The following INTS9 variants were observed in gnomAD, a reference collection of about 807,000 sequenced individuals.
INTS9 encodes the protein integrator complex subunit 9, also known as protein related to CPSF subunits of 74 kDa.
In INTS9, 55 loss-of-function variants were observed where a neutral mutation model predicts 79.7. That is an observed-to-expected ratio of 0.69 (90% CI 0.56 to 0.86). The LOEUF is 0.86. Ranked by LOEUF, INTS9 falls within the 40% of genes least tolerant of loss-of-function variation. The probability of loss-of-function intolerance (pLI) is 0.00; values close to 1 mark genes in which losing one functional copy is unlikely to be tolerated. For synonymous variants in INTS9, 319 were observed against 325.2 expected (o/e 0.98, Z 0.20); for missense variants, 721 against 831.5 (o/e 0.87, Z 1.64).
At chr8:28,804,039 T>C (rs1804667513) in intron 8 of INTS9, among the ~76,000 whole-genome samples, 1 of 152,104 alleles carries the variant, frequency 6.6e-6, no homozygotes. Flanking sequence ...TCCTCCCACC[T>C]CAGCATCCTG....
At chr8:28,842,803 T>C (rs903125531) in intron 4 of INTS9, among the ~76,000 whole-genome samples, 3 of 152,228 alleles carry the variant, frequency 2.0e-5, no homozygotes, top group African/African-American at 7.2e-5. Flanking sequence ...TCATGGCTCT[T>C]TCTGTAACAA....
chr8:28,828,484 C>A (rs1210404364), intron 6 of INTS9, among the ~76,000 whole-genome samples: 1 of 152,138 alleles, frequency 6.6e-6, no homozygotes, highest in African/African-American at 2.4e-5. Flanking sequence ...TTGTTAATAT[C>A]ACTTCTATTT....
At chr8:28,874,067 G>A (rs977535570) in intron 1 of INTS9, among the ~76,000 whole-genome samples, 1 of 152,120 alleles carries the variant, frequency 6.6e-6, no homozygotes, top group African/African-American at 2.4e-5. Flanking sequence ...TTCTGACTTG[G>A]AATTTGCTTT....
intron 10 of INTS9, among the ~76,000 whole-genome samples, chr8:28,792,179 T>C (rs1803953547): frequency 6.6e-6 from 1 of 152,162 alleles, no homozygotes; most frequent in Non-Finnish European, 1.5e-5. Context: ...GCATATGGCA[T>C]TAATACAAAT....
intron 8 of INTS9, among the ~76,000 whole-genome samples, chr8:28,802,916 C>T (rs1215774718): frequency 6.6e-6 from 1 of 150,894 alleles, no homozygotes; most frequent in Non-Finnish European, 1.5e-5. Flanking sequence ...TCAAGACCAC[C>T]CTGGGCAACA....
chr8:28,880,584 GC>G (rs1316723595), intron 1 of INTS9, among the ~76,000 whole-genome samples: 3 of 151,464 alleles, frequency 2.0e-5, no homozygotes, highest in African/African-American at 7.3e-5. Flanking sequence ...AGGCTGGAGT[GC>G]AGCGGCGTGA....
intron 14 of INTS9, among the ~76,000 whole-genome samples, chr8:28,772,337 A>C (rs1802596776): frequency 6.6e-6 from 1 of 152,076 alleles, no homozygotes; most frequent in African/African-American, 2.4e-5. Flanking sequence ...AATATGGTGA[A>C]ACCCCATCTC....
chr8:28,790,266 AT>A (rs1803848745), intron 10 of INTS9, among the ~76,000 whole-genome samples: 1 of 152,210 alleles, frequency 6.6e-6, no homozygotes, highest in South Asian at 2.1e-4. Context: ...TGGTCCTGGC[AT>A]GGGGGGCTGG....
In INTS9 at chr8:28,777,813, C is replaced by A; in HGVS notation, c.1395+16G>T. The A allele has an allele frequency of 6.3e-7, 1 of 1,592,852 alleles. No individual in the cohort carries two copies. The highest frequency in any genetic ancestry group is 8.5e-7 in the Non-Finnish European group (1 of 1,170,442). On this transcript the variant is annotated intron_variant, in intron 13 of 16. Transcript: ENST00000521022. ...TGACATGACTACGTGAAGGCACAAG[C>A]AGTGTCCTTCATTACCTGCACTTCT...
rs1808105305 is a variant in INTS9, at chr8:28,855,575, G to C, written c.137+3861C>G. 2.6e-5 allele frequency among the ~76,000 whole-genome samples: 4 copies of C among 152,260 alleles called. No homozygotes were observed. The South Asian group carries it at 8.3e-4, about 32-fold the overall frequency. The stretch of plus-strand genomic sequence containing the variant: ...TTGGCCATACTCTTAAAAACCTCAA[G>C]GTCATAAAAGACGGACTGGGAAAGT... On this transcript the variant is annotated intron_variant, in intron 2 of 16. Coordinates refer to ENST00000521022, the MANE Select transcript of INTS9 (RefSeq NM_018250.4).
At chr8:28,786,969 G>A (rs1002212121) in intron 11 of INTS9, among the ~76,000 whole-genome samples, 7 of 151,766 alleles carry the variant, frequency 4.6e-5, no homozygotes, top group Non-Finnish European at 7.4e-5. Flanking sequence ...CACCCGCCTT[G>A]GCCTCCCAAA....
chr8:28,803,168 T>C (rs1804619821), intron 8 of INTS9, among the ~76,000 whole-genome samples: 1 of 152,110 alleles, frequency 6.6e-6, no homozygotes. Context: ...TCTAGGTATA[T>C]GTAGCTTTTG....
At chr8:28,779,594 T>C (rs868351799) in intron 12 of INTS9, among the ~76,000 whole-genome samples, 1 of 152,248 alleles carries the variant, frequency 6.6e-6, no homozygotes, top group African/African-American at 2.4e-5. Context: ...AAGAAACCCA[T>C]CGCAGAATGA....
At chr8:28,812,512 C>T (rs770397972) in intron 7 of INTS9, 51 bp from the exon 8 acceptor site, 1 of 1,571,636 alleles carries the variant, frequency 6.4e-7, no homozygotes, top group South Asian at 1.2e-5. Context: ...GTGACAGTCA[C>T]ATGAGGTAAT....
intron 2 of INTS9, among the ~76,000 whole-genome samples, chr8:28,853,133 G>A (rs1216706796): frequency 6.6e-6 from 1 of 152,180 alleles, no homozygotes; most frequent in Non-Finnish European, 1.5e-5. Context: ...CTAATAAAAT[G>A]GCTGGGCATG....
intron 8 of INTS9, among the ~76,000 whole-genome samples, chr8:28,800,572 G>C (rs1033426662): frequency 6.6e-6 from 1 of 152,186 alleles, no homozygotes; most frequent in African/African-American, 2.4e-5. Flanking sequence ...AACAGACAGA[G>C]AACATTTTTA....
At chr8:28,807,914 A>G (rs1804898837) in intron 8 of INTS9, among the ~76,000 whole-genome samples, 1 of 152,246 alleles carries the variant, frequency 6.6e-6, no homozygotes, top group Admixed American at 6.5e-5. Flanking sequence ...AGAGGTGAGA[A>G]AACTGTTACT....
chr8:28,872,627 C>T (rs572566406), intron 1 of INTS9, among the ~76,000 whole-genome samples: 24 of 152,100 alleles, frequency 1.6e-4, no homozygotes, highest in Non-Finnish European at 3.1e-4. Context: ...TCCCTTCCTC[C>T]TTCCTACTGA....
At chr8:28,885,308 C>T (rs1029653785) in intron 1 of INTS9, among the ~76,000 whole-genome samples, 12 of 152,208 alleles carry the variant, frequency 7.9e-5, no homozygotes, top group Non-Finnish European at 1.5e-4. Flanking sequence ...ATTTAAATGA[C>T]CTTCCTTTAA....
Sources: allele counts gnomAD v4.1 joint callset (sites outside exome capture counted in the v4.1 genomes callset), GRCh38; gene constraint gnomAD v4.1.1; transcripts MANE v1.5; gene names NCBI Gene and HGNC (gene_info 2026-07-23, HGNC 2026-07-21).